The following VCAN variants were observed in gnomAD, a reference collection of about 807,000 sequenced individuals.
The protein encoded by VCAN is versican.
Under a neutral mutation model 245.5 loss-of-function variants are expected in VCAN, and 44 were observed. The observed-to-expected ratio is 0.18, with a 90% CI of 0.14 to 0.23. The LOEUF (loss-of-function observed/expected upper bound fraction) is 0.23, where lower values mean the gene tolerates loss of function less well. Among genes scored for constraint, VCAN ranks in the 10% least tolerant of loss-of-function variants. VCAN has a pLI of 1.00. For missense variants in VCAN, 3,793 were observed against 4,057.9 expected, an observed-to-expected ratio of 0.93 and a Z score of 1.77; for synonymous variants, 1,413 against 1,437.0, an observed-to-expected ratio of 0.98 and a Z score of 0.38.
chr5:83,561,331 C>T (rs929315440), intron 12 of VCAN, among the ~76,000 whole-genome samples: 3 of 151,946 alleles, frequency 2.0e-5, no homozygotes, highest in Admixed American at 2.0e-4. Flanking sequence ...TTTTCTAGCT[C>T]TAACCAACTC....
In VCAN at chr5:83,537,658, C is replaced by A; in HGVS notation, c.4655C>A (p.Ala1552Asp). 1 of 1,613,732 alleles carries A rather than the reference C, an allele frequency of 6.2e-7. No homozygotes were observed. Among genetic ancestry groups the A allele is most frequent in the South Asian group, 1.1e-5 (1 of 91,078 alleles). The change falls in exon 8 of 15, where the codon GCC becomes GAC. Residue 1552 changes from alanine to aspartate, a missense_variant. Physicochemically the swap from Ala to Asp is moderately radical, Grantham distance 126. Coordinates refer to ENST00000265077, the MANE Select transcript of VCAN (RefSeq NM_004385.5). Reference protein sequence around the residue: ...LFPEESSGEIAIDQESQKIAF... With the variant: ...LFPEESSGEIDIDQESQKIAF... ...CCTGAAGAGTCTTCAGGAGAGATTG[C>A]CATTGACCAAGAATCTCAGAAAATA...
At chr5:83,564,928 C>T (rs995855477) in intron 12 of VCAN, among the ~76,000 whole-genome samples, 1 of 152,024 alleles carries the variant, frequency 6.6e-6, no homozygotes, top group African/African-American at 2.4e-5. Context: ...TTTAATTGGC[C>T]ATTTAAGGTA....
chr5:83,477,431 A>G (rs1035142639), intron 1 of VCAN, among the ~76,000 whole-genome samples: 5 of 152,192 alleles, frequency 3.3e-5, no homozygotes, highest in African/African-American at 1.2e-4. Context: ...TTTCAGGACA[A>G]TTGATGGGTC....
chr5:83,493,523 A>G (rs1263454493), intron 3 of VCAN, 23 bp from the exon 4 acceptor site: 7 of 1,612,544 alleles, frequency 4.3e-6, no homozygotes, highest in Middle Eastern at 2.0e-4. Context: ...CAGGCTGGCA[A>G]TTGTTTGCTG....
rs1358127033 is a variant in VCAN at position 83,555,047 on chromosome 5, C to T, written c.9735+9C>T. On this transcript the variant is annotated intron_variant, in intron 12 of 14. Coordinates refer to ENST00000265077, the MANE Select transcript of VCAN (RefSeq NM_004385.5). ...CTGATGGCAGCACACTGGTAAGATG[C>T]CCTTGAAAATGATGTCAAGTTCTAC... 1 of 1,613,178 alleles carries T rather than the reference C, an allele frequency of 6.2e-7. No homozygotes were observed. Among genetic ancestry groups the T allele is most frequent in the Non-Finnish European group, 8.5e-7 (1 of 1,179,342 alleles).
At chr5:83,494,093 A>G (rs1001209089) in intron 5 of VCAN, among the ~76,000 whole-genome samples, 162 bp downstream of exon 5, 1 of 152,238 alleles carries the variant, frequency 6.6e-6, no homozygotes, top group Non-Finnish European at 1.5e-5. Flanking sequence ...GCCGAAATTA[A>G]AGTGGAAAGG....
At position 83,540,797 on chromosome 5, in the gene VCAN, T is replaced by C. The variant is rs1206704845; in HGVS notation, c.7794T>C (p.Asp2598=). ...EDILGMQTDI[D]TEVPSEPHDS... ...TTCTTGGAATGCAAACAGATATAGA[T>C]ACAGAGGTACCATCAGAACCACATG... is the stretch of plus-strand genomic sequence containing the variant. Residue 2598 remains aspartate, a synonymous_variant, in exon 8 of 15, where the codon GAT becomes GAC. Coordinates refer to ENST00000265077, the MANE Select transcript of VCAN (RefSeq NM_004385.5). The C allele has an allele frequency of 1.9e-6, 3 of 1,613,970 alleles. No homozygotes were observed. Among genetic ancestry groups the C allele is most frequent in the Admixed American group, 1.7e-5 (1 of 59,970 alleles).
chr5:83,489,156 GCTA>G (rs1744885794), intron 2 of VCAN, among the ~76,000 whole-genome samples: 1 of 149,818 alleles, frequency 6.7e-6, no homozygotes, highest in South Asian at 2.1e-4. Flanking sequence ...TCACCTAGAG[GCTA>G]CTATTAACTT....
intron 1 of VCAN, among the ~76,000 whole-genome samples, chr5:83,474,138 G>A (rs969791228): frequency 1.8e-4 from 27 of 152,138 alleles, no homozygotes; most frequent in Non-Finnish European, 8.8e-5. Flanking sequence ...TATTGCAAAA[G>A]AAGGGCTCCT....
chr5:83,473,775 C>G (rs1744286108), intron 1 of VCAN, among the ~76,000 whole-genome samples: 1 of 152,230 alleles, frequency 6.6e-6, no homozygotes, highest in Non-Finnish European at 1.5e-5. Flanking sequence ...CCCCCCAGAC[C>G]AAGCGAGCAT....
chr5:83,477,623 CTA>C (rs1744439905), intron 1 of VCAN, among the ~76,000 whole-genome samples: 1 of 152,108 alleles, frequency 6.6e-6, no homozygotes, highest in Non-Finnish European at 1.5e-5. Flanking sequence ...CAGTGCCATT[CTA>C]GGAAATACTG....
intron 13 of VCAN, among the ~76,000 whole-genome samples, chr5:83,577,690 T>G (rs7710495): frequency 0.016 from 2,387 of 152,318 alleles, 65 homozygotes; most frequent in African/African-American, 0.055. Context: ...TTTATATATT[T>G]CAACCATCTA....
At chr5:83,529,066 T>C (rs1215553278) in intron 7 of VCAN, among the ~76,000 whole-genome samples, 1 of 151,364 alleles carries the variant, frequency 6.6e-6, no homozygotes, top group African/African-American at 2.4e-5. Context: ...TATACAGATA[T>C]ATTTTTTCTA....
At chr5:83,482,048 T>G (rs1744633102) in intron 1 of VCAN, among the ~76,000 whole-genome samples, 1 of 152,214 alleles carries the variant, frequency 6.6e-6, no homozygotes, top group African/African-American at 2.4e-5. Flanking sequence ...AAGTCACGAT[T>G]TTATTGGGTT....
At chr5:83,502,611 G>C (rs369514486) in intron 5 of VCAN, among the ~76,000 whole-genome samples, 19 of 152,184 alleles carry the variant, frequency 1.2e-4, no homozygotes, top group Middle Eastern at 3.2e-3. Flanking sequence ...TTTAGTGGGG[G>C]CTTCCTGCAT....
intron 3 of VCAN, among the ~76,000 whole-genome samples, chr5:83,492,126 T>C (rs574533041): frequency 6.6e-6 from 1 of 152,308 alleles, no homozygotes; most frequent in Non-Finnish European, 1.5e-5. Context: ...GTGCAGGTCT[T>C]TTTGCGTTGG....
chr5:83,500,412 C>T (rs775289385), intron 5 of VCAN, among the ~76,000 whole-genome samples: 1 of 152,166 alleles, frequency 6.6e-6, no homozygotes, highest in Non-Finnish European at 1.5e-5. Flanking sequence ...CAATCAGGCA[C>T]AGCATGGTGG....
At chr5:83,484,626 T>A (rs1299171278) in intron 2 of VCAN, among the ~76,000 whole-genome samples, 1 of 152,232 alleles carries the variant, frequency 6.6e-6, no homozygotes. Flanking sequence ...ATACCTTCTT[T>A]GTGCCAGATA....
chr5:83,522,155 A>C lies in VCAN; in HGVS notation c.3849A>C (p.Ser1283=). The C allele has an allele frequency of 6.2e-7, 1 of 1,611,622 alleles. No homozygotes were observed. The highest frequency in any genetic ancestry group is 8.5e-7 in the Non-Finnish European group (1 of 1,180,020). Residue 1283 remains serine (S), a synonymous_variant, in exon 7 of 15, where the codon TCA becomes TCC. Coordinates refer to ENST00000265077, the MANE Select transcript of VCAN (RefSeq NM_004385.5). ...TDIDREYFTT[S]SPPATQPTRP... ...TTGATAGAGAGTATTTCACGACTTC[A>C]AGTCCTCCTGCTACACAGCCAACAA...
Sources: allele counts gnomAD v4.1 joint callset (sites outside exome capture counted in the v4.1 genomes callset), GRCh38; gene constraint gnomAD v4.1.1; transcripts MANE v1.5; gene names NCBI Gene and HGNC (gene_info 2026-07-23, HGNC 2026-07-21).